HS6ST3: variants seen among roughly 807,000 people sequenced by gnomAD.
HS6ST3 encodes heparan sulfate 6-O-sulfotransferase 3.
In HS6ST3, 12 loss-of-function variants were observed where a neutral mutation model predicts 36.7. That is an observed-to-expected ratio of 0.33 (90% CI 0.21 to 0.53). The LOEUF (loss-of-function observed/expected upper bound fraction) is 0.53, where lower values mean the gene tolerates loss of function less well. HS6ST3 is among the 20% of genes least tolerant of loss of function. HS6ST3 has a pLI of 0.95. For synonymous variants in HS6ST3, 240 were observed against 257.5 expected (o/e 0.93, Z 0.65); for missense variants, 584 against 640.9 (o/e 0.91, Z 0.96).
At chr13:96,260,857 C>T (rs748946842) in intron 1 of HS6ST3, among the ~76,000 whole-genome samples, 4 of 151,894 alleles carry the variant, frequency 2.6e-5, no homozygotes, top group African/African-American at 7.3e-5. Context: ...CCAGGCTGGT[C>T]GCGAACTTCT....
intron 1 of HS6ST3, among the ~76,000 whole-genome samples, chr13:96,346,300 T>C (rs964388271): frequency 4.8e-4 from 73 of 152,256 alleles, no homozygotes; most frequent in African/African-American, 1.0e-3. Flanking sequence ...GCTGGCTGGG[T>C]GCGGTGGCTC....
At chr13:96,457,043 G>A (rs2055757522) in intron 1 of HS6ST3, among the ~76,000 whole-genome samples, 1 of 151,920 alleles carries the variant, frequency 6.6e-6, no homozygotes, top group Non-Finnish European at 1.5e-5. Context: ...TAAAATAATA[G>A]GTAAAAAATA....
intron 1 of HS6ST3, among the ~76,000 whole-genome samples, chr13:96,661,480 G>C (rs7316935): frequency 0.089 from 13,480 of 152,002 alleles, 1,185 homozygotes; most frequent in African/African-American, 0.22. Context: ...CTTTGAGTCT[G>C]TGAATGTCTT....
chr13:96,193,076 A>G (rs2054296342), intron 1 of HS6ST3, among the ~76,000 whole-genome samples: 1 of 152,122 alleles, frequency 6.6e-6, no homozygotes, highest in African/African-American at 2.4e-5. Context: ...TGTCTCTAGC[A>G]CTTCCTCTCA....
At chr13:96,698,283 A>T (rs559078689) in intron 1 of HS6ST3, among the ~76,000 whole-genome samples, 1 of 152,092 alleles carries the variant, frequency 6.6e-6, no homozygotes, top group Non-Finnish European at 1.5e-5. Flanking sequence ...CCTACGAGTG[A>T]GAGCATGTGG....
At chr13:96,263,537 C>T (rs1212990496) in intron 1 of HS6ST3, among the ~76,000 whole-genome samples, 1 of 152,038 alleles carries the variant, frequency 6.6e-6, no homozygotes, top group Non-Finnish European at 1.5e-5. Flanking sequence ...TTGGGAATAC[C>T]TTTCTGGCCC....
chr13:96,477,122 C>T (rs1285824539), intron 1 of HS6ST3, among the ~76,000 whole-genome samples: 1 of 152,128 alleles, frequency 6.6e-6, no homozygotes, highest in African/African-American at 2.4e-5. Context: ...TCTCCCCATT[C>T]CTCCCTCTCC....
chr13:96,507,552 AC>A (rs910846651), intron 1 of HS6ST3, among the ~76,000 whole-genome samples: 1 of 152,056 alleles, frequency 6.6e-6, no homozygotes, highest in Non-Finnish European at 1.5e-5. Flanking sequence ...ACGGGCATAG[AC>A]AGCTTGTTGC....
At chr13:96,400,303 A>G (rs2055444135) in intron 1 of HS6ST3, among the ~76,000 whole-genome samples, 1 of 138,300 alleles carries the variant, frequency 7.2e-6, no homozygotes, top group African/African-American at 2.6e-5. Flanking sequence ...ACACAGACAC[A>G]CAGATACACA....
intron 1 of HS6ST3, among the ~76,000 whole-genome samples, chr13:96,771,710 A>C (rs1010093738): frequency 1.3e-5 from 2 of 152,168 alleles, no homozygotes; most frequent in African/African-American, 4.8e-5. Context: ...ATTCTCTCCT[A>C]GGCAGTTAGA....
chr13:96,823,167 T>C (rs1878572491), intron 1 of HS6ST3, among the ~76,000 whole-genome samples: 1 of 152,190 alleles, frequency 6.6e-6, no homozygotes, highest in African/African-American at 2.4e-5. Context: ...CTCTCTGGCT[T>C]TGACTGTGCC....
At chr13:96,390,311 C>A (rs936513873) in intron 1 of HS6ST3, among the ~76,000 whole-genome samples, 2 of 152,060 alleles carry the variant, frequency 1.3e-5, no homozygotes, top group Admixed American at 1.3e-4. Context: ...GTTTTTCTCC[C>A]CCCACTAAAT....
chr13:96,381,345 T>A (rs2055339517), intron 1 of HS6ST3, among the ~76,000 whole-genome samples: 1 of 152,036 alleles, frequency 6.6e-6, no homozygotes, highest in Non-Finnish European at 1.5e-5. Context: ...TATATATACA[T>A]ATATATATGT....
chr13:96,271,193 TGTCGA>T (rs1282040066), intron 1 of HS6ST3, among the ~76,000 whole-genome samples: 2 of 151,828 alleles, frequency 1.3e-5, no homozygotes, highest in Non-Finnish European at 2.9e-5. Flanking sequence ...TGATATTGAA[TGTCGA>T]GTTGGAAAGA....
At chr13:96,762,870 T>C (rs1448898787) in intron 1 of HS6ST3, among the ~76,000 whole-genome samples, 2 of 152,212 alleles carry the variant, frequency 1.3e-5, no homozygotes, top group African/African-American at 4.8e-5. Context: ...TCCACTGACC[T>C]TTCTCTCCTT....
At chr13:96,155,135 A>G (rs2054104382) in intron 1 of HS6ST3, among the ~76,000 whole-genome samples, 1 of 152,140 alleles carries the variant, frequency 6.6e-6, no homozygotes, top group Non-Finnish European at 1.5e-5. Flanking sequence ...CACTTGAAAA[A>G]TGTTGATAGT....
intron 1 of HS6ST3, among the ~76,000 whole-genome samples, chr13:96,591,344 C>T (rs563620293): frequency 6.6e-6 from 1 of 151,876 alleles, no homozygotes; most frequent in South Asian, 2.1e-4. Flanking sequence ...GAATATATTT[C>T]CATTTTTGGA....
At chr13:96,310,730 C>T (rs965366463) in intron 1 of HS6ST3, among the ~76,000 whole-genome samples, 5 of 150,682 alleles carry the variant, frequency 3.3e-5, no homozygotes, top group African/African-American at 7.3e-5. Context: ...AAAACGTATG[C>T]GTGCATCACA....
At chr13:96,506,915 A>G (rs1436954364) in intron 1 of HS6ST3, among the ~76,000 whole-genome samples, 2 of 152,122 alleles carry the variant, frequency 1.3e-5, no homozygotes, top group African/African-American at 4.8e-5. Context: ...GAGCCTTGCT[A>G]AGACCTAATG....
Sources: gnomAD v4.1 joint callset for allele counts (sites outside exome capture counted in the v4.1 genomes callset) on GRCh38, gnomAD v4.1.1 for gene constraint, MANE v1.5 for transcripts, NCBI Gene and HGNC (gene_info 2026-07-23, HGNC 2026-07-21) for gene names.